Variants in DNAH14 observed in about 807,000 individuals in gnomAD.
DNAH14 encodes the protein axonemal beta dynein heavy chain 14.
DNAH14 carries 478 observed loss-of-function variants against 520.9 expected under a neutral mutation model. The observed-to-expected ratio is 0.92, with a 90% CI of 0.85 to 0.99. The LOEUF is 0.99. Among genes scored for constraint, DNAH14 ranks in the 50% least tolerant of loss-of-function variants. The pLI is 0.00. For synonymous variants in DNAH14, 1,581 were observed against 1,757.2 expected, an observed-to-expected ratio of 0.90 and a Z score of 2.51; for missense variants, 4,831 against 5,234.5, an observed-to-expected ratio of 0.92 and a Z score of 2.38.
In DNAH14 at chr1:225,276,034, A is replaced by G. The variant is rs1422544038; in HGVS notation, c.8131A>G (p.Ser2711Gly). The change falls in exon 53 of 86, where the codon AGT (serine) becomes GGT (glycine). Residue 2711 changes from serine to glycine, a missense_variant. By Grantham distance (56) the Ser-to-Gly change is moderately conservative. Coordinates refer to ENST00000682510, the MANE Select transcript of DNAH14 (RefSeq NM_001367479.1). ...TACCAGTGACTATAATAAACTTGCC[A>G]GTGTACTTGATGAATTCCAAATGAA... ...QNTSDYNKLA[S>G]VLDEFQMKLG... 2.6e-6 allele frequency: 1 copy of G among 389,556 alleles called. No individual in the cohort carries two copies. Among genetic ancestry groups the G allele is most frequent in the East Asian group, 8.2e-5 (1 of 12,208 alleles). The allele number at this position is 389,556 out of a possible 1,614,324, so 24.1% of individuals were successfully genotyped here.
At chr1:225,016,192 T>A (rs1276963753) in intron 10 of DNAH14, among the ~76,000 whole-genome samples, 2 of 152,214 alleles carry the variant, frequency 1.3e-5, no homozygotes, top group Non-Finnish European at 2.9e-5. Context: ...TCCCTTGGTG[T>A]CCATGTTCAA....
intron 76 of DNAH14, 110 bp from the exon 77 acceptor site, chr1:225,367,695 A>G (rs1341455851): frequency 2.7e-6 from 2 of 738,228 alleles, no homozygotes; most frequent in Non-Finnish European, 4.4e-6. Context: ...TCTTGAAAAT[A>G]GTTACATTCT....
chr1:225,238,338 C>CT (rs1343650379), intron 42 of DNAH14, among the ~76,000 whole-genome samples: 2 of 152,064 alleles, frequency 1.3e-5, no homozygotes, highest in African/African-American at 4.8e-5. Flanking sequence ...TTTTCTGTCT[C>CT]TTTTTCTTTT....
At chr1:225,005,419 T>C (rs138047514) in intron 9 of DNAH14, among the ~76,000 whole-genome samples, 30 of 152,254 alleles carry the variant, frequency 2.0e-4, no homozygotes, top group East Asian at 1.4e-3. Flanking sequence ...TATTGTGATA[T>C]TGGTTTTTGG....
At chr1:225,323,110 A>C (rs1258242638) in intron 62 of DNAH14, among the ~76,000 whole-genome samples, 1 of 152,194 alleles carries the variant, frequency 6.6e-6, no homozygotes. Context: ...ACCTGTGGGC[A>C]TGTGACACAG....
At chr1:225,301,436 C>T (rs1384617466) in intron 56 of DNAH14, among the ~76,000 whole-genome samples, 1 of 151,988 alleles carries the variant, frequency 6.6e-6, no homozygotes, top group South Asian at 2.1e-4. Flanking sequence ...TTGAATAGTC[C>T]TAGAATTGAC....
Position 225,152,864 on chromosome 1 carries a change from G to T in DNAH14, c.5177G>T (p.Arg1726Leu). Residue 1726 changes from arginine to leucine, a missense_variant, in exon 33 of 86, where the codon CGC becomes CTC. Coordinates refer to ENST00000682510, the MANE Select transcript of DNAH14 (RefSeq NM_001367479.1). Reference sequence around the variant, plus strand: ...CTAACTAACCTTTATGAATTAGCGCGCAAACAGCTCTCACAACAGGTAAAT... The same window carrying T: ...CTAACTAACCTTTATGAATTAGCGCTCAAACAGCTCTCACAACAGGTAAAT... ...GKLTNLYELA[R>L]KQLSQQDHYN... 6.5e-7 allele frequency: 1 copy of T among 1,550,024 alleles called. No individual in the cohort carries two copies. Among genetic ancestry groups the T allele is most frequent in the Non-Finnish European group, 8.7e-7 (1 of 1,146,592 alleles).
rs747727356 is a variant in DNAH14 at position 225,240,506 on chromosome 1, C to T, written c.6519-87C>T. ...TGCATTACAATTTTTAATAATGAAA[C>T]TTTAACATTATATTAAAGTAAATTT... On this transcript the variant is annotated intron_variant, in intron 42 of 85. Coordinates refer to ENST00000682510, the MANE Select transcript of DNAH14 (RefSeq NM_001367479.1). 20 of 804,542 alleles carry T rather than the reference C, an allele frequency of 2.5e-5. No homozygotes were observed. The South Asian group carries it at 3.3e-4, about 13-fold the overall frequency. 49.8% of individuals were successfully genotyped at this position (804,542 alleles called of 1,614,324 possible).
chr1:225,392,275 G>A lies in DNAH14; in HGVS notation c.13331-16G>A. On this transcript the variant is annotated splice_polypyrimidine_tract_variant and intron_variant, in intron 83 of 85. Transcript: ENST00000682510. ...AGACTCACAAGGAACTTGATGGTGT[G>A]TGTTCTTCTCCAAAGCCTTTCTTGC... 1 of 1,552,130 alleles carries A rather than the reference G, an allele frequency of 6.4e-7. No individual in the cohort carries two copies. The highest frequency in any genetic ancestry group is 2.4e-5 in the East Asian group (1 of 40,922).
At chr1:225,040,522 C>T (rs2067383248) in intron 12 of DNAH14, among the ~76,000 whole-genome samples, 1 of 152,150 alleles carries the variant, frequency 6.6e-6, no homozygotes, top group Non-Finnish European at 1.5e-5. Context: ...AGCAAACACT[C>T]ATGTAGGCTT....
At chr1:225,274,197 AT>A (rs869247051) in intron 52 of DNAH14, among the ~76,000 whole-genome samples, 4,839 of 92,710 alleles carry the variant, frequency 0.052, 62 homozygotes, top group East Asian at 0.16. Flanking sequence ...AGCATCTGTT[AT>A]TTTTTTTTTT....
intron 43 of DNAH14, among the ~76,000 whole-genome samples, chr1:225,248,105 G>A (rs867102860): frequency 6.6e-6 from 1 of 152,048 alleles, no homozygotes; most frequent in Middle Eastern, 3.2e-3. Context: ...AATGGATGAA[G>A]GAACCTAAAT....
intron 35 of DNAH14, among the ~76,000 whole-genome samples, chr1:225,167,532 A>G (rs2082146012): frequency 6.6e-6 from 1 of 152,184 alleles, no homozygotes; most frequent in Non-Finnish European, 1.5e-5. Context: ...CACTAAAATA[A>G]TCATTACAAA....
intron 43 of DNAH14, among the ~76,000 whole-genome samples, chr1:225,249,692 C>T (rs2092458363): frequency 6.6e-6 from 1 of 152,218 alleles, no homozygotes; most frequent in Non-Finnish European, 1.5e-5. Flanking sequence ...CATCACCATA[C>T]ATCAGTTTTA....
At chr1:225,178,858 A>T (rs926331553) in intron 36 of DNAH14, among the ~76,000 whole-genome samples, 1 of 152,136 alleles carries the variant, frequency 6.6e-6, no homozygotes, top group African/African-American at 2.4e-5. Flanking sequence ...GGAGGGACCC[A>T]GTAGGAGGTA....
intron 9 of DNAH14, 61 bp downstream of exon 9, chr1:225,002,988 G>A (rs1037439810): frequency 5.4e-6 from 7 of 1,307,604 alleles, no homozygotes; most frequent in South Asian, 1.9e-5. Flanking sequence ...AAGAAAAATA[G>A]CATTTTGAAT....
intron 43 of DNAH14, among the ~76,000 whole-genome samples, chr1:225,247,638 C>T (rs749953719): frequency 6.6e-6 from 1 of 152,148 alleles, no homozygotes; most frequent in Non-Finnish European, 1.5e-5. Flanking sequence ...ATATTAAACA[C>T]ATTTAAACAA....
chr1:225,178,922 C>T (rs1001240362), intron 36 of DNAH14, among the ~76,000 whole-genome samples: 8 of 152,070 alleles, frequency 5.3e-5, no homozygotes, highest in South Asian at 4.1e-4. Context: ...GTAAGTCTCA[C>T]GAGATCTGAT....
intron 41 of DNAH14, 137 bp from the exon 42 acceptor site, chr1:225,230,936 T>C: frequency 1.7e-6 from 1 of 578,380 alleles, no homozygotes; most frequent in Non-Finnish European, 3.0e-6. Flanking sequence ...AAGTTAATTC[T>C]CAGATACTGT....
Sources: allele counts gnomAD v4.1 joint callset (sites outside exome capture counted in the v4.1 genomes callset), GRCh38; gene constraint gnomAD v4.1.1; transcripts MANE v1.5; gene names NCBI Gene and HGNC (gene_info 2026-07-23, HGNC 2026-07-21).